Variants in GPX5 observed in about 807,000 individuals in gnomAD.
GPX5 encodes epididymal secretory glutathione peroxidase.
Under a neutral mutation model 23.8 loss-of-function variants are expected in GPX5, and 20 were observed. The ratio of observed to expected loss-of-function variants is 0.84; its 90% CI spans 0.59 to 1.22. GPX5 has a LOEUF of 1.22. Ranked by LOEUF, GPX5 falls within the 50% of genes most tolerant of loss-of-function variation. The pLI, the probability that GPX5 is intolerant of heterozygous loss-of-function variation, is 0.00. For synonymous variants in GPX5, 92 were observed against 99.5 expected, an observed-to-expected ratio of 0.92 and a Z score of 0.45; for missense variants, 230 against 266.6, an observed-to-expected ratio of 0.86 and a Z score of 0.96.
intron 4 of GPX5, among the ~76,000 whole-genome samples, chr6:28,532,802 T>C (rs919917820): frequency 1.3e-5 from 2 of 152,184 alleles, no homozygotes; most frequent in Non-Finnish European, 2.9e-5. Flanking sequence ...GAGTTTATAA[T>C]GGAGAGAGAG....
At chr6:28,532,850 A>C (rs749198237) in intron 4 of GPX5, among the ~76,000 whole-genome samples, 2 of 152,216 alleles carry the variant, frequency 1.3e-5, no homozygotes, top group Non-Finnish European at 2.9e-5. Context: ...GTGGTGGTTC[A>C]TGCCTATAAT....
chr6:28,528,996 C>G (rs527413989), intron 1 of GPX5, among the ~76,000 whole-genome samples: 24 of 151,354 alleles, frequency 1.6e-4, no homozygotes, highest in African/African-American at 5.8e-4. Flanking sequence ...CAATTATATG[C>G]TTTTAGTTAT....
chr6:28,534,226 ACCCCTCC>A lies in GPX5; in HGVS notation c.*60_*66del. 2 of 1,249,778 alleles carry A rather than the reference ACCCCTCC, an allele frequency of 1.6e-6. No individual in the cohort carries two copies. Among genetic ancestry groups the A allele is most frequent in the Admixed American group, 2.6e-5 (1 of 38,666 alleles). 77.4% of individuals were successfully genotyped at this position (1,249,778 alleles called of 1,614,324 possible). A position where few individuals can be genotyped will look rare whatever the true frequency, so the allele number is the denominator to read the frequency against. On this transcript the variant is annotated 3_prime_UTR_variant, in exon 5 of 5. Coordinates refer to ENST00000412168, the MANE Select transcript of GPX5 (RefSeq NM_001509.3). ...TCTCACCTAATGACTTGCTCTCCCC[ACCCCTCC>A]AAAAAAAAGGAATACCCATCTTCTC... is the stretch of plus-strand genomic sequence containing the variant.
intron 4 of GPX5, 143 bp from the exon 5 acceptor site, chr6:28,533,818 A>C: frequency 1.8e-6 from 1 of 545,356 alleles, no homozygotes; most frequent in East Asian, 2.9e-5. Flanking sequence ...GTGGTGATTC[A>C]AGAATTTATG....
intron 2 of GPX5, among the ~76,000 whole-genome samples, 180 bp from the exon 3 acceptor site, chr6:28,531,598 C>T (rs370560975): frequency 6.6e-6 from 1 of 151,966 alleles, no homozygotes; most frequent in Non-Finnish European, 1.5e-5. Flanking sequence ...GGCTTTTGAG[C>T]GCACGTCTGA....
rs760669462 is a variant in GPX5, at chr6:28,532,164, T to C, written c.360-157T>C. Among the ~76,000 whole-genome samples, 4 of 151,918 alleles carry C rather than the reference T, an allele frequency of 2.6e-5. No individual in the cohort carries two copies. In the South Asian group the frequency reaches 6.2e-4, roughly 24 times the overall value. ...ATGGGATAGAGAGAAATAAAGTGAG[T>C]CAGAGAGCCCAAAGTCAAAACATGG... On this transcript the variant is annotated intron_variant, in intron 3 of 4. Coordinates refer to ENST00000412168, the MANE Select transcript of GPX5 (RefSeq NM_001509.3).
Position 28,531,895 on chromosome 6 carries a change from AGTACG to A in GPX5, c.359+1_359+5del. On this transcript the variant is annotated splice_donor_variant and splice_donor_5th_base_variant and intron_variant, in intron 3 of 4. Transcript: ENST00000412168. LOFTEE classifies it high-confidence loss of function. The stretch of plus-strand genomic sequence containing the variant: ...AACAAAGAGATTCTTCCTGGGCTCA[AGTACG>A]TGTCTTCTTGAAATCCAATAGGAGG... The A allele has an allele frequency of 6.2e-7, 1 of 1,601,938 alleles. No individual in the cohort carries two copies. Among genetic ancestry groups the A allele is most frequent in the South Asian group, 1.1e-5 (1 of 90,786 alleles).
rs760272553 is a variant in GPX5 at position 28,534,062 on chromosome 6, G to T, written c.561G>T (p.Leu187=). The T allele has an allele frequency of 1.2e-6, 2 of 1,612,218 alleles. No homozygotes were observed. The highest frequency in any genetic ancestry group is 1.7e-6 in the Non-Finnish European group (2 of 1,179,180). ...TCCGTTGGAACTTTGAAAAGTTCCTGGTGGGGCCTGATGGAATCCCTGTCA... is the reference window on the plus strand; with the variant it reads ...TCCGTTGGAACTTTGAAAAGTTCCTTGTGGGGCCTGATGGAATCCCTGTCA... ...HDIRWNFEKF[L]VGPDGIPVMR... Residue 187 remains leucine (L), a synonymous_variant, in exon 5 of 5, where the codon CTG becomes CTT. Transcript: ENST00000412168.
intron 4 of GPX5, among the ~76,000 whole-genome samples, chr6:28,533,754 C>T (rs866819655): frequency 6.6e-6 from 1 of 151,890 alleles, no homozygotes; most frequent in Non-Finnish European, 1.5e-5. Context: ...GGGGAGAAAC[C>T]GAAAGAGAGC....
intron 1 of GPX5, chr6:28,527,118 C>T (rs929485873): frequency 2.0e-5 from 3 of 152,102 alleles, no homozygotes; most frequent in African/African-American, 7.2e-5. Flanking sequence ...GTTATATGGA[C>T]TTCAATAAAT....
In GPX5 at chr6:28,534,105, G is replaced by C. The variant is rs757328065; in HGVS notation, c.604G>C (p.Ala202Pro). ...GIPVMRWSHR[A>P]TVSSVKTDIL... The stretch of plus-strand genomic sequence containing the variant: ...CCCTGTCATGCGCTGGTCCCACCGG[G>C]CTACGGTCAGCTCAGTCAAGACAGA... The change falls in exon 5 of 5, where the codon GCT becomes CCT. Residue 202 changes from alanine (A) to proline (P), a missense_variant. Coordinates refer to ENST00000412168, the MANE Select transcript of GPX5 (RefSeq NM_001509.3). The C allele has an allele frequency of 5.6e-6, 9 of 1,610,956 alleles. No homozygotes were observed. Among genetic ancestry groups the C allele is most frequent in the Non-Finnish European group, 7.6e-6 (9 of 1,178,850 alleles).
chr6:28,529,139 A>G (rs763305483), intron 1 of GPX5, among the ~76,000 whole-genome samples: 82 of 151,088 alleles, frequency 5.4e-4, no homozygotes, highest in Non-Finnish European at 1.0e-3. Context: ...CCACCCTCCT[A>G]GTATCTTTCC....
At chr6:28,533,735 T>C (rs1223287993) in intron 4 of GPX5, among the ~76,000 whole-genome samples, 1 of 152,182 alleles carries the variant, frequency 6.6e-6, no homozygotes, top group Admixed American at 6.5e-5. Flanking sequence ...AATTTTGTTA[T>C]GGGGCTATGG....
intron 1 of GPX5, chr6:28,527,877 G>A (rs1162929130): frequency 6.6e-6 from 1 of 152,212 alleles, no homozygotes; most frequent in Non-Finnish European, 1.5e-5. Flanking sequence ...GACAGAGGAG[G>A]AGTAAGATGA....
chr6:28,529,977 C>T (rs1763282882), intron 2 of GPX5: 1 of 166,550 alleles, frequency 6.0e-6, no homozygotes, highest in Admixed American at 6.3e-5. Flanking sequence ...TAACCCCCTC[C>T]CCATGCCCTG....
In GPX5 at chr6:28,531,327, C is replaced by T. The variant is rs559560490; in HGVS notation, c.242-451C>T. 1.5e-3 allele frequency among the ~76,000 whole-genome samples: 209 copies of T among 138,188 alleles called. 1 individual carries two copies. Among genetic ancestry groups the T allele is most frequent in the African/African-American group, 5.6e-3 (199 of 35,586 alleles). The allele number at this position is 138,188 out of a possible 152,430, so 90.7% of individuals were successfully genotyped here. A position where few individuals can be genotyped will look rare whatever the true frequency, so the allele number is the denominator to read the frequency against. Reference sequence around the variant, plus strand: ...CGGAGGTTGCAGTGAGCCGAGATCGCGCCACTGCACTCCAGCCTGGGCGAC... The same window carrying T: ...CGGAGGTTGCAGTGAGCCGAGATCGTGCCACTGCACTCCAGCCTGGGCGAC... On this transcript the variant is annotated intron_variant, in intron 2 of 4. Transcript: ENST00000412168.
intron 1 of GPX5, among the ~76,000 whole-genome samples, chr6:28,526,567 G>A (rs1234629784): frequency 5.3e-5 from 8 of 151,672 alleles, no homozygotes; most frequent in South Asian, 2.1e-4. Context: ...AGTTATCAGA[G>A]AAACATAAAA....
rs182122485 is a variant in GPX5 at position 28,533,426 on chromosome 6, T to C, written c.460-535T>C. Among the ~76,000 whole-genome samples, 282 of 152,302 alleles carry C rather than the reference T, an allele frequency of 1.9e-3. 1 individual carries two copies. In the South Asian group the frequency reaches 0.021, roughly 11 times the overall value. On this transcript the variant is annotated intron_variant, in intron 4 of 4. Transcript: ENST00000412168. ...AAAAAAGAACAGTGTGGGAAGTTTT[T>C]TATAAACTCAACTCGTCTAACTTAT...
At position 28,529,495 on chromosome 6, in the gene GPX5, G is replaced by A. The variant is rs1268968518; in HGVS notation, c.132G>A (p.Glu44=). 1.2e-6 allele frequency: 2 copies of A among 1,613,082 alleles called. No individual in the cohort carries two copies. The highest frequency in any genetic ancestry group is 1.7e-6 in the Non-Finnish European group (2 of 1,179,462). The part of the protein sequence containing the change: ...KDEKGTIYDY[E]AIALNKNEYV... The stretch of plus-strand genomic sequence containing the variant: ...AGAAAGGCACCATCTATGACTATGA[G>A]GCCATCGCACTTAATAAGAATGAAT... Residue 44 remains glutamate, a synonymous_variant, in exon 2 of 5, where the codon GAG becomes GAA. Coordinates refer to ENST00000412168, the MANE Select transcript of GPX5 (RefSeq NM_001509.3).
Sources: allele counts gnomAD v4.1 joint callset (sites outside exome capture counted in the v4.1 genomes callset), GRCh38; gene constraint gnomAD v4.1.1; transcripts MANE v1.5; gene names NCBI Gene and HGNC (gene_info 2026-07-23, HGNC 2026-07-21).